P3H2: variants seen among roughly 807,000 people sequenced by gnomAD.
The protein encoded by P3H2 is leprecan-like 1.
In P3H2, 80 loss-of-function variants were observed where a neutral mutation model predicts 87.0. The observed-to-expected ratio is 0.92, with a 90% CI of 0.77 to 1.11. The LOEUF (loss-of-function observed/expected upper bound fraction) is 1.11, where lower values mean the gene tolerates loss of function less well. Among genes scored for constraint, P3H2 ranks in the 50% least tolerant of loss-of-function variants. The pLI is 0.00. For synonymous variants in P3H2, 367 were observed against 359.3 expected, an observed-to-expected ratio of 1.02 and a Z score of -0.24; for missense variants, 1,001 against 923.9, an observed-to-expected ratio of 1.08 and a Z score of -1.08.
intron 1 of P3H2, among the ~76,000 whole-genome samples, chr3:190,006,924 T>C (rs1724406231): frequency 6.6e-6 from 1 of 152,352 alleles, no homozygotes; most frequent in Non-Finnish European, 1.5e-5. Context: ...GTGAGTTGTT[T>C]TGCTTTTTAT....
chr3:190,006,349 C>G (rs1724388316), intron 1 of P3H2, among the ~76,000 whole-genome samples: 1 of 152,188 alleles, frequency 6.6e-6, no homozygotes, highest in Non-Finnish European at 1.5e-5. Context: ...TAATTAGAAG[C>G]TACCTCTTCG....
At chr3:190,044,723 T>C (rs1374634672) in intron 1 of P3H2, among the ~76,000 whole-genome samples, 1 of 152,206 alleles carries the variant, frequency 6.6e-6, no homozygotes, top group Non-Finnish European at 1.5e-5. Context: ...GAGTGATTGA[T>C]TGTACTTGGA....
chr3:190,106,091 T>C (rs34654691), intron 1 of P3H2, among the ~76,000 whole-genome samples: 20,949 of 152,060 alleles, frequency 0.14, 1,630 homozygotes, highest in Middle Eastern at 0.21. Flanking sequence ...GATGTGTCTG[T>C]GGGAAGAGAT....
intron 1 of P3H2, among the ~76,000 whole-genome samples, chr3:190,107,765 T>C (rs574291193): frequency 2.4e-4 from 36 of 152,336 alleles, no homozygotes; most frequent in Admixed American, 1.4e-3. Flanking sequence ...AGGCATTGTT[T>C]CATATCTTAC....
intron 1 of P3H2, among the ~76,000 whole-genome samples, chr3:190,021,622 C>T (rs1724929730): frequency 1.5e-5 from 2 of 134,988 alleles, no homozygotes; most frequent in Admixed American, 1.5e-4. Flanking sequence ...AAATTGCACA[C>T]ATTTGTAATA....
intron 1 of P3H2, among the ~76,000 whole-genome samples, chr3:190,118,746 A>T (rs1712394848): frequency 6.6e-6 from 1 of 152,052 alleles, no homozygotes; most frequent in Non-Finnish European, 1.5e-5. Flanking sequence ...ATCTTGTGGG[A>T]TGAGCTGCAA....
chr3:190,042,549 T>C (rs1163275993), intron 1 of P3H2, among the ~76,000 whole-genome samples: 1 of 152,182 alleles, frequency 6.6e-6, no homozygotes, highest in African/African-American at 2.4e-5. Context: ...TGTATAGCAA[T>C]ATAAGATGTT....
intron 14 of P3H2, among the ~76,000 whole-genome samples, chr3:189,962,504 T>A (rs942549530): frequency 1.3e-5 from 2 of 152,174 alleles, no homozygotes; most frequent in Non-Finnish European, 2.9e-5. Flanking sequence ...CTGGCTATCG[T>A]CTTTGCTTCT....
Position 190,100,165 on chromosome 3 carries a change from C to T in P3H2, c.480+20087G>A, listed in dbSNP as rs188344857. On this transcript the variant is annotated intron_variant, in intron 1 of 14. Coordinates refer to ENST00000319332, the MANE Select transcript of P3H2 (RefSeq NM_018192.4). The stretch of plus-strand genomic sequence containing the variant: ...AGGAGAATTGCTCGAACTGGGGAGG[C>T]AGAGGTTGCAGTGAGCCAAGATCAC... 6.4e-3 allele frequency among the ~76,000 whole-genome samples: 965 copies of T among 151,496 alleles called. 10 individuals carry two copies. Among genetic ancestry groups the T allele is most frequent in the African/African-American group, 0.022 (918 of 41,294 alleles).
At chr3:190,119,069 C>T (rs1269946956) in intron 1 of P3H2, among the ~76,000 whole-genome samples, 1 of 147,558 alleles carries the variant, frequency 6.8e-6, no homozygotes, top group East Asian at 2.0e-4. Context: ...TGCACCACTG[C>T]ACTCCAGCCT....
At chr3:190,058,622 T>G (rs1219060322) in intron 1 of P3H2, among the ~76,000 whole-genome samples, 1 of 152,174 alleles carries the variant, frequency 6.6e-6, no homozygotes, top group Admixed American at 6.5e-5. Flanking sequence ...CCTTGACAGC[T>G]TCAACATTAC....
chr3:190,008,143 G>A (rs984886078), intron 1 of P3H2, among the ~76,000 whole-genome samples: 1 of 151,864 alleles, frequency 6.6e-6, no homozygotes, highest in African/African-American at 2.4e-5. Context: ...AGAGTGAAAA[G>A]TGTTCTTCTC....
Position 190,080,737 on chromosome 3 carries a change from T to G in P3H2, c.480+39515A>C, listed in dbSNP as rs554096050. Among the ~76,000 whole-genome samples the G allele has an allele frequency of 1.2e-4, 19 of 152,158 alleles. No individual in the cohort carries two copies. In the South Asian group the frequency reaches 3.5e-3, roughly 28 times the overall value. ...CATTTTTTCTAACCCCAACTGTAGA[T>G]GGTGTCTGTAAATTTGAGAGGCAAA... On this transcript the variant is annotated intron_variant, in intron 1 of 14. Transcript: ENST00000319332.
chr3:190,000,774 A>G (rs971869680), intron 1 of P3H2, among the ~76,000 whole-genome samples: 1 of 152,230 alleles, frequency 6.6e-6, no homozygotes. Context: ...AAGTTAGAGA[A>G]GGACGGATCA....
intron 3 of P3H2, among the ~76,000 whole-genome samples, chr3:189,989,412 G>C (rs1278195206): frequency 6.6e-6 from 1 of 152,076 alleles, no homozygotes; most frequent in Non-Finnish European, 1.5e-5. Context: ...ATCTTGGATG[G>C]CTCGAAGTGC....
Position 189,957,732 on chromosome 3 carries a change from C to T in P3H2, c.*180G>A. On this transcript the variant is annotated 3_prime_UTR_variant, in exon 15 of 15. Coordinates refer to ENST00000319332, the MANE Select transcript of P3H2 (RefSeq NM_018192.4). ...AGAGAGAGAGAGAGAGAGAAAACAACCCAAAACAAGAAAGATAGATTGATA... is the reference window on the plus strand; with the variant it reads ...AGAGAGAGAGAGAGAGAGAAAACAATCCAAAACAAGAAAGATAGATTGATA... 1.8e-6 allele frequency: 1 copy of T among 564,866 alleles called. No individual in the cohort carries two copies. The allele number at this position is 564,866 out of a possible 1,614,324, so 35.0% of individuals were successfully genotyped here.
intron 1 of P3H2, among the ~76,000 whole-genome samples, chr3:190,036,944 A>AT (rs1221252021): frequency 9.3e-5 from 5 of 53,886 alleles, no homozygotes; most frequent in East Asian, 1.4e-3. Context: ...GGAAAGATAA[A>AT]AATATATATA....
Position 189,983,149 on chromosome 3 carries a change from T to C in P3H2, c.1230-9A>G, listed in dbSNP as rs1411966063. ...TCACTCCTGAAGGGACCCTGCCCAT[T>C]CAAAAAATTTAAAATGGCAATTTGT... On this transcript the variant is annotated splice_polypyrimidine_tract_variant and intron_variant, in intron 7 of 14. Coordinates refer to ENST00000319332, the MANE Select transcript of P3H2 (RefSeq NM_018192.4). 2 of 1,609,224 alleles carry C rather than the reference T, an allele frequency of 1.2e-6. No homozygotes were observed. The highest frequency in any genetic ancestry group is 2.2e-5 in the South Asian group (2 of 90,920).
At chr3:190,047,994 G>A (rs1295024323) in intron 1 of P3H2, among the ~76,000 whole-genome samples, 1 of 152,066 alleles carries the variant, frequency 6.6e-6, no homozygotes, top group African/African-American at 2.4e-5. Flanking sequence ...ATGTATACAG[G>A]TCTTTCTTCT....
Sources: allele counts gnomAD v4.1 joint callset (sites outside exome capture counted in the v4.1 genomes callset), GRCh38; gene constraint gnomAD v4.1.1; transcripts MANE v1.5; gene names NCBI Gene and HGNC (gene_info 2026-07-23, HGNC 2026-07-21).